Variants in TTN observed in about 807,000 individuals in gnomAD.
The protein encoded by TTN is connectin.
Under a neutral mutation model 3,223.0 loss-of-function variants are expected in TTN, and 1,525 were observed. That is an observed-to-expected ratio of 0.47 (90% CI 0.45 to 0.49). TTN has a LOEUF of 0.49. TTN is among the 20% of genes least tolerant of loss of function. The pLI is 0.00. For synonymous variants in TTN, 14,094 were observed against 15,161.0 expected, an observed-to-expected ratio of 0.93 and a Z score of 5.17; for missense variants, 40,786 against 43,424.0, an observed-to-expected ratio of 0.94 and a Z score of 5.40.
chr2:178,719,649 A>AT lies in TTN; in HGVS notation c.23842dup (p.Ile7948AsnfsTer8). ...TTTGTCACTCATTTCGGCACAGGGG[A>AT]TTTTAAGGGAAGCCACTTTATTGAT... On this transcript the variant is annotated frameshift_variant, in exon 82 of 363. Transcript: ENST00000589042. LOFTEE classifies it high-confidence loss of function. 6.2e-7 allele frequency: 1 copy of AT among 1,613,588 alleles called. No individual in the cohort carries two copies.
intron 231 of TTN, 49 bp downstream of exon 231, chr2:178,633,768 C>G: frequency 1.2e-6 from 2 of 1,607,686 alleles, no homozygotes; most frequent in Non-Finnish European, 1.7e-6. Flanking sequence ...TTACTCCCCA[C>G]TCCCATGATT....
chr2:178,736,692 C>A (rs1282591563), intron 49 of TTN, among the ~76,000 whole-genome samples: 1 of 152,100 alleles, frequency 6.6e-6, no homozygotes, highest in Non-Finnish European at 1.5e-5. Flanking sequence ...TTATCCTTTC[C>A]TCTTATTATC....
chr2:178,801,766 T>C (rs2094076524), intron 3 of TTN, among the ~76,000 whole-genome samples: 1 of 152,214 alleles, frequency 6.6e-6, no homozygotes, highest in South Asian at 2.1e-4. Flanking sequence ...GGATGCTTGT[T>C]AAAGTGTGAA....
rs1224408998 is a variant in TTN, at chr2:178,565,222, T to C, written c.80910A>G (p.Leu26970=). ...TATENLSVIV[L]EKPGPPVGPV... ...GGCCAACTGGAGGTCCAGGCTTTTC[T>C]AAAACGATAACACTGAGATTTTCTG... The change falls in exon 326 of 363, where the codon TTA becomes TTG. Residue 26970 remains leucine (L), a synonymous_variant. Coordinates refer to ENST00000589042, the MANE Select transcript of TTN (RefSeq NM_001267550.2). The C allele has an allele frequency of 1.2e-6, 2 of 1,613,592 alleles. No individual in the cohort carries two copies. Among genetic ancestry groups the C allele is most frequent in the East Asian group, 2.2e-5 (1 of 44,824 alleles).
rs747577276 is a variant in TTN, at chr2:178,535,568, C to T, written c.101047G>A (p.Glu33683Lys). ...NRFGIDQKTV[E>K]LDVADVPDPP... ...TCAGGAACATCAGCCACATCCAGTT[C>T]AACTGTCTTCTGATCAATTCCAAAT... is the stretch of plus-strand genomic sequence containing the variant. Residue 33683 changes from glutamate (E) to lysine (K), a missense_variant, in exon 358 of 363, where the codon GAA becomes AAA. Glu to Lys is a moderately conservative substitution (Grantham distance 56, BLOSUM62 1). Coordinates refer to ENST00000589042, the MANE Select transcript of TTN (RefSeq NM_001267550.2). The T allele has an allele frequency of 4.3e-6, 7 of 1,613,868 alleles. No homozygotes were observed. The South Asian group carries it at 7.7e-5, about 18-fold the overall frequency.
At chr2:178,602,818 A>G (rs1179165300) in intron 282 of TTN, among the ~76,000 whole-genome samples, 4 of 152,042 alleles carry the variant, frequency 2.6e-5, no homozygotes, top group African/African-American at 4.8e-5. Context: ...TGGGAATAGA[A>G]AGACTACTTC....
At chr2:178,650,334 C>T in intron 209 of TTN, 63 bp from the exon 210 acceptor site, 1 of 1,349,926 alleles carries the variant, frequency 7.4e-7, no homozygotes, top group Non-Finnish European at 1.0e-6. Context: ...TGGACAAACA[C>T]TAAACACGAT....
rs377190399 is a variant in TTN, at chr2:178,535,578, C to T, written c.101037G>A (p.Gln33679=). The T allele has an allele frequency of 3.5e-5, 57 of 1,613,774 alleles. No individual in the cohort carries two copies. The Middle Eastern group carries it at 9.9e-4, about 28-fold the overall frequency. ...CAGCCACATCCAGTTCAACTGTCTT[C>T]TGATCAATTCCAAATCTGTTTTTAG... The part of the protein sequence containing the change: ...VCAKNRFGID[Q]KTVELDVADV... Residue 33679 remains glutamine (Q), a synonymous_variant, in exon 358 of 363, where the codon CAG becomes CAA. Coordinates refer to ENST00000589042, the MANE Select transcript of TTN (RefSeq NM_001267550.2).
rs1193374185 is a variant in TTN at position 178,527,320 on chromosome 2, A to G, written c.107681-13T>C. ...TTAGGCGGAATTCCTTTATGGAACAATGACAAAAAAAAGGTCTTAGAATCA... is the reference window on the plus strand; with the variant it reads ...TTAGGCGGAATTCCTTTATGGAACAGTGACAAAAAAAAGGTCTTAGAATCA... On this transcript the variant is annotated splice_polypyrimidine_tract_variant and intron_variant, in intron 362 of 362. Transcript: ENST00000589042. The G allele has an allele frequency of 6.3e-7, 1 of 1,580,970 alleles. No individual in the cohort carries two copies. Among genetic ancestry groups the G allele is most frequent in the South Asian group, 1.2e-5 (1 of 86,156 alleles).
In TTN at chr2:178,624,409, T is replaced by C. The variant is rs1662141414; in HGVS notation, c.44815+56A>G. ...TGCAAAAAGTGTTGTGTTGTTTTGT[T>C]GTTGTAGTTATTAAAGAATTGCAAA... On this transcript the variant is annotated intron_variant, in intron 242 of 362. Coordinates refer to ENST00000589042, the MANE Select transcript of TTN (RefSeq NM_001267550.2). The C allele has an allele frequency of 2.5e-6, 4 of 1,602,768 alleles. No homozygotes were observed. The African/African-American group carries it at 4.0e-5, about 16-fold the overall frequency.
Position 178,591,389 on chromosome 2 carries a change from C to G in TTN, c.60336G>C (p.Trp20112Cys). Residue 20112 changes from tryptophan (W) to cysteine (C), a missense_variant, in exon 304 of 363, where the codon TGG becomes TGC. Physicochemically the swap from Trp to Cys is radical, Grantham distance 215. Coordinates refer to ENST00000589042, the MANE Select transcript of TTN (RefSeq NM_001267550.2). ...IRGVPVPTAK[W>C]TTDGSEIKTD... ...TTTTAATCTCACTCCCATCGGTTGT[C>G]CACTTTGCAGTAGGAACAGGCACAC... 1 of 1,612,948 alleles carries G rather than the reference C, an allele frequency of 6.2e-7. No individual in the cohort carries two copies. Among genetic ancestry groups the G allele is most frequent in the Non-Finnish European group, 8.5e-7 (1 of 1,179,368 alleles).
Position 178,730,943 on chromosome 2 carries a change from C to T in TTN, c.17722G>A (p.Ala5908Thr). The change falls in exon 60 of 363, where the codon GCT (alanine) becomes ACT (threonine). Residue 5908 changes from alanine to threonine, a missense_variant. Ala to Thr is a moderately conservative substitution (Grantham distance 58). Transcript: ENST00000589042. Reference protein sequence around the residue: ...QNDVGRSSCKARINVLDLIIP... With the variant: ...QNDVGRSSCKTRINVLDLIIP... ...TACCAACCTAATACATTAATTCTAGCCTTGCAGCTGCTCCTCCCAACATCA... is the reference window on the plus strand; with the variant it reads ...TACCAACCTAATACATTAATTCTAGTCTTGCAGCTGCTCCTCCCAACATCA... 1 of 1,606,070 alleles carries T rather than the reference C, an allele frequency of 6.2e-7. No homozygotes were observed. Among genetic ancestry groups the T allele is most frequent in the East Asian group, 2.2e-5 (1 of 44,796 alleles).
chr2:178,742,572 A>G (rs2082686053), intron 47 of TTN, among the ~76,000 whole-genome samples: 1 of 152,150 alleles, frequency 6.6e-6, no homozygotes, highest in East Asian at 1.9e-4. Flanking sequence ...AATCAAAAAT[A>G]AGAGAAAACA....
At chr2:178,613,977 T>C in intron 262 of TTN, 40 bp from the exon 263 acceptor site, 1 of 1,608,900 alleles carries the variant, frequency 6.2e-7, no homozygotes, top group Non-Finnish European at 8.5e-7. Flanking sequence ...ATATGTCCTG[T>C]ATATAAATAT....
chr2:178,709,996 C>T (rs2076425372), intron 98 of TTN, 140 bp from the exon 99 acceptor site: 1 of 850,568 alleles, frequency 1.2e-6, no homozygotes, highest in South Asian at 1.9e-5. Flanking sequence ...GAATATGTTC[C>T]TAAACATTTC....
chr2:178,578,759 C>T, intron 320 of TTN, 44 bp from the exon 321 acceptor site: 1 of 1,604,744 alleles, frequency 6.2e-7, no homozygotes, highest in Non-Finnish European at 8.5e-7. Flanking sequence ...AAGAAGCCTC[C>T]TCAAAACCGT....
At position 178,632,283 on chromosome 2, in the gene TTN, G is replaced by A. The variant is rs200988944; in HGVS notation, c.43611C>T (p.His14537=). 1 of 1,609,966 alleles carries A rather than the reference G, an allele frequency of 6.2e-7. No individual in the cohort carries two copies. Among genetic ancestry groups the A allele is most frequent in the South Asian group, 1.1e-5 (1 of 90,378 alleles). Residue 14537 remains histidine (H), a synonymous_variant, in exon 236 of 363, where the codon CAC becomes CAT. Coordinates refer to ENST00000589042, the MANE Select transcript of TTN (RefSeq NM_001267550.2). ...VKWFKNDQRL[H]TTRSVSMQDE... ...CTTGCATTGAGACCGACCTGGTGGTGTGTAGGCGCTGGTCATTCTTGAACC... is the reference window on the plus strand; with the variant it reads ...CTTGCATTGAGACCGACCTGGTGGTATGTAGGCGCTGGTCATTCTTGAACC...
intron 221 of TTN, 97 bp from the exon 222 acceptor site, chr2:178,640,207 T>G: frequency 9.3e-7 from 1 of 1,080,658 alleles, no homozygotes; most frequent in East Asian, 2.5e-5. Flanking sequence ...TTGGAAGATA[T>G]TAGAATTTAT....
At chr2:178,748,686 T>C in intron 47 of TTN, 2 of 1,612,868 alleles carry the variant, frequency 1.2e-6, no homozygotes, top group Non-Finnish European at 8.5e-7. Flanking sequence ...TCAAATGTAA[T>C]AGGTGATTCA....
Sources: allele counts gnomAD v4.1 joint callset (sites outside exome capture counted in the v4.1 genomes callset), GRCh38; gene constraint gnomAD v4.1.1; transcripts MANE v1.5; gene names NCBI Gene and HGNC (gene_info 2026-07-23, HGNC 2026-07-21).